The following MCUB variants were observed in gnomAD, a reference collection of about 807,000 sequenced individuals.
MCUB encodes mitochondrial calcium uniporter dominant negative subunit beta, also known as calcium uniporter regulatory subunit MCUb, mitochondrial.
MCUB carries 46 observed loss-of-function variants against 41.4 expected under a neutral mutation model. The ratio of observed to expected loss-of-function variants is 1.11; its 90% CI spans 0.88 to 1.42. The LOEUF is 1.42. Among genes scored for constraint, MCUB ranks in the 40% most tolerant of loss-of-function variants. MCUB has a pLI of 0.00. For synonymous variants in MCUB, 148 were observed against 148.2 expected (o/e 1.00, Z 0.01); for missense variants, 403 against 404.9 (o/e 1.00, Z 0.04).
chr4:109,670,620 G>T (rs1275077029), intron 4 of MCUB, among the ~76,000 whole-genome samples: 1 of 151,880 alleles, frequency 6.6e-6, no homozygotes, highest in Non-Finnish European at 1.5e-5. Context: ...GGAGGCTGAG[G>T]CAGGAGAATC....
In MCUB at chr4:109,687,760, T is replaced by G; in HGVS notation, c.*168T>G. 1 of 591,110 alleles carries G rather than the reference T, an allele frequency of 1.7e-6. No individual in the cohort carries two copies. Among genetic ancestry groups the G allele is most frequent in the Non-Finnish European group, 3.0e-6 (1 of 337,002 alleles). The allele number at this position is 591,110 out of a possible 1,614,324, so 36.6% of individuals were successfully genotyped here. On this transcript the variant is annotated 3_prime_UTR_variant, in exon 8 of 8. Coordinates refer to ENST00000394650, the MANE Select transcript of MCUB (RefSeq NM_017918.5). ...AACTGAGATTTTTACTTTTTGGATT[T>G]TTATGACTTGCTAATGTTAGAAAGG...
At chr4:109,615,556 A>G (rs1025934969) in intron 1 of MCUB, among the ~76,000 whole-genome samples, 2 of 151,764 alleles carry the variant, frequency 1.3e-5, no homozygotes, top group Non-Finnish European at 1.5e-5. Flanking sequence ...ACAGGCATGC[A>G]CCACCTACGC....
At chr4:109,634,945 T>C (rs555979100) in intron 1 of MCUB, among the ~76,000 whole-genome samples, 45 of 152,194 alleles carry the variant, frequency 3.0e-4, no homozygotes, top group Middle Eastern at 3.4e-3. Context: ...TAATGCTCTC[T>C]CCCCTAGCCC....
intron 1 of MCUB, among the ~76,000 whole-genome samples, chr4:109,653,090 G>A (rs1456606410): frequency 2.6e-5 from 4 of 152,094 alleles, no homozygotes; most frequent in Non-Finnish European, 5.9e-5. Context: ...TATAAAGAAC[G>A]GTCAGGCTGG....
chr4:109,633,974 T>G (rs1041031492), intron 1 of MCUB, among the ~76,000 whole-genome samples: 2 of 150,884 alleles, frequency 1.3e-5, no homozygotes, highest in African/African-American at 2.4e-5. Flanking sequence ...CACGCTGTAC[T>G]TTCATTGTAT....
intron 1 of MCUB, among the ~76,000 whole-genome samples, chr4:109,595,383 A>G (rs1455645022): frequency 3.3e-5 from 5 of 152,188 alleles, no homozygotes; most frequent in Admixed American, 2.6e-4. Flanking sequence ...AAAAAATGAT[A>G]GCGTCAATAA....
chr4:109,581,118 GACTTCAAACT>G (rs1386930139), intron 1 of MCUB, among the ~76,000 whole-genome samples: 3 of 152,182 alleles, frequency 2.0e-5, no homozygotes, highest in African/African-American at 7.2e-5. Flanking sequence ...CATGCGACCT[GACTTCAAACT>G]ATGCTACAAG....
intron 4 of MCUB, among the ~76,000 whole-genome samples, chr4:109,671,752 T>C (rs1410468186): frequency 6.6e-6 from 1 of 152,158 alleles, no homozygotes; most frequent in Non-Finnish European, 1.5e-5. Flanking sequence ...CAAACTGTGG[T>C]TGTTGTTGTT....
At chr4:109,583,972 T>A (rs1727244915) in intron 1 of MCUB, among the ~76,000 whole-genome samples, 1 of 152,102 alleles carries the variant, frequency 6.6e-6, no homozygotes, top group Admixed American at 6.6e-5. Context: ...ATAAAATGAG[T>A]TAGGAAGGAT....
At chr4:109,664,720 A>T (rs1729307088) in intron 4 of MCUB, among the ~76,000 whole-genome samples, 1 of 152,128 alleles carries the variant, frequency 6.6e-6, no homozygotes, top group African/African-American at 2.4e-5. Context: ...TTATCAGATG[A>T]CCAAGAAGTC....
chr4:109,651,575 C>T (rs145756970), intron 1 of MCUB, among the ~76,000 whole-genome samples: 1 of 152,238 alleles, frequency 6.6e-6, no homozygotes, highest in Admixed American at 6.5e-5. Flanking sequence ...TCTATACTTA[C>T]ATACACACGT....
At chr4:109,566,554 G>A (rs1726783824) in intron 1 of MCUB, among the ~76,000 whole-genome samples, 1 of 152,028 alleles carries the variant, frequency 6.6e-6, no homozygotes, top group African/African-American at 2.4e-5. Context: ...GACTGCCTAA[G>A]ATCATAAAAG....
chr4:109,627,309 G>A (rs1728382152), intron 1 of MCUB, among the ~76,000 whole-genome samples: 1 of 152,098 alleles, frequency 6.6e-6, no homozygotes, highest in Admixed American at 6.6e-5. Flanking sequence ...TTAGTTTTTT[G>A]TTGTTGAAGA....
chr4:109,676,392 TG>T (rs1190777798), intron 4 of MCUB, among the ~76,000 whole-genome samples: 2 of 152,086 alleles, frequency 1.3e-5, no homozygotes, highest in Non-Finnish European at 2.9e-5. Flanking sequence ...TCCAAAAATA[TG>T]TATATGGTAA....
intron 1 of MCUB, among the ~76,000 whole-genome samples, chr4:109,605,558 G>T (rs1267378892): frequency 2.0e-5 from 3 of 152,168 alleles, no homozygotes; most frequent in Non-Finnish European, 4.4e-5. Flanking sequence ...GGTCCATAGT[G>T]CAGATTAAAT....
chr4:109,655,749 G>T (rs557109244), intron 1 of MCUB, among the ~76,000 whole-genome samples: 1 of 152,248 alleles, frequency 6.6e-6, no homozygotes, highest in East Asian at 1.9e-4. Context: ...GGGGCAGCAG[G>T]GGGTGTGTGT....
intron 1 of MCUB, among the ~76,000 whole-genome samples, chr4:109,621,574 A>T (rs1728250818): frequency 6.6e-6 from 1 of 152,232 alleles, no homozygotes; most frequent in Non-Finnish European, 1.5e-5. Flanking sequence ...TTAAGTCAGC[A>T]GTACTGAATT....
At chr4:109,664,422 C>CTTTTTT (rs11405576) in intron 4 of MCUB, 28 bp downstream of exon 4, 2 of 616,456 alleles carry the variant, frequency 3.2e-6, no homozygotes, top group Non-Finnish European at 2.7e-6. Flanking sequence ...CCAACTATTA[C>CTTTTTT]TTTTTTTTTT....
At chr4:109,661,249 T>G (rs1729226234) in intron 3 of MCUB, among the ~76,000 whole-genome samples, 1 of 152,212 alleles carries the variant, frequency 6.6e-6, no homozygotes, top group Non-Finnish European at 1.5e-5. Flanking sequence ...GAATAAAGAA[T>G]TATTTACCCT....
Sources: gnomAD v4.1 joint callset for allele counts (sites outside exome capture counted in the v4.1 genomes callset) on GRCh38, gnomAD v4.1.1 for gene constraint, MANE v1.5 for transcripts, NCBI Gene and HGNC (gene_info 2026-07-23, HGNC 2026-07-21) for gene names.